FNIP2: variants seen among roughly 807,000 people sequenced by gnomAD.
FNIP2 encodes folliculin-interacting protein 2.
In FNIP2, 32 loss-of-function variants were observed where a neutral mutation model predicts 108.7. The observed-to-expected ratio is 0.29, with a 90% CI of 0.22 to 0.40. FNIP2 has a LOEUF of 0.40. Ranked by LOEUF, FNIP2 falls within the 10% of genes least tolerant of loss-of-function variation. The probability of loss-of-function intolerance (pLI) is 1.00; values close to 1 mark genes in which losing one functional copy is unlikely to be tolerated. For synonymous variants in FNIP2, 480 were observed against 496.7 expected (o/e 0.97, Z 0.45); for missense variants, 1,202 against 1,381.6 (o/e 0.87, Z 2.06).
At chr4:158,835,236 A>G (rs1778734511) in intron 6 of FNIP2, 169 bp from the exon 7 acceptor site, 3 of 374,812 alleles carry the variant, frequency 8.0e-6, no homozygotes, top group African/African-American at 4.1e-5. Flanking sequence ...TTTTCTTCTC[A>G]TCATCTTTTT....
At chr4:158,903,760 T>C (rs1445375283) in intron 16 of FNIP2, among the ~76,000 whole-genome samples, 3 of 152,212 alleles carry the variant, frequency 2.0e-5, no homozygotes, top group Non-Finnish European at 1.5e-5. Context: ...CTTTGAGGAA[T>C]TCAAGGGTAA....
Position 158,769,220 on chromosome 4 carries a change from C to A in FNIP2, c.8C>A (p.Pro3Gln). 2 of 1,479,334 alleles carry A rather than the reference C, an allele frequency of 1.4e-6. No individual in the cohort carries two copies. The highest frequency in any genetic ancestry group is 1.8e-6 in the Non-Finnish European group (2 of 1,115,412). The allele number at this position is 1,479,334 out of a possible 1,614,324, so 91.6% of individuals were successfully genotyped here. MA[P>Q]TLLQKLFNKR... ...AGCTGCGGCGGCGGCATCATGGCCC[C>A]GACCCTGCTCCAGAAGCTCTTCAAC... Residue 3 changes from proline to glutamine, a missense_variant, in exon 1 of 17, where the codon CCG (proline) becomes CAG (glutamine). Pro to Gln is a moderately conservative substitution (Grantham distance 76, BLOSUM62 -1). Transcript: ENST00000264433.
rs1453529872 is a variant in FNIP2, at chr4:158,904,711, G to A, written c.*167G>A. 1 of 616,448 alleles carries A rather than the reference G, an allele frequency of 1.6e-6. No individual in the cohort carries two copies. The highest frequency in any genetic ancestry group is 1.8e-5 in the African/African-American group (1 of 54,278). The allele number at this position is 616,448 out of a possible 1,614,324, so 38.2% of individuals were successfully genotyped here. On this transcript the variant is annotated 3_prime_UTR_variant, in exon 17 of 17. Coordinates refer to ENST00000264433, the MANE Select transcript of FNIP2 (RefSeq NM_020840.3). Reference sequence around the variant, plus strand: ...GCTGTCAAGCTGATGCTTCATTGAAGACTTAGGTTTACTTGACATAATAGC... The same window carrying A: ...GCTGTCAAGCTGATGCTTCATTGAAAACTTAGGTTTACTTGACATAATAGC...
chr4:158,799,140 T>C (rs376262411), intron 1 of FNIP2, among the ~76,000 whole-genome samples: 1 of 152,210 alleles, frequency 6.6e-6, no homozygotes, highest in African/African-American at 2.4e-5. Context: ...AGTAGTAGTT[T>C]TGGGCATGTG....
chr4:158,862,403 C>T (rs374512714), intron 12 of FNIP2, among the ~76,000 whole-genome samples: 7 of 152,086 alleles, frequency 4.6e-5, no homozygotes, highest in Non-Finnish European at 7.4e-5. Context: ...TGCTCTTGGT[C>T]GTGAGATGTA....
intron 6 of FNIP2, chr4:158,834,560 CTACT>C (rs1442101167): frequency 6.6e-5 from 10 of 152,140 alleles, no homozygotes; most frequent in Admixed American, 6.5e-4. Flanking sequence ...ACGCTCCTAC[CTACT>C]TAGAGTGAGG....
chr4:158,829,734 G>T (rs935428421), intron 3 of FNIP2, among the ~76,000 whole-genome samples: 2 of 152,024 alleles, frequency 1.3e-5, no homozygotes, highest in African/African-American at 4.8e-5. Flanking sequence ...GTGTGTGTGT[G>T]TGTATAAGGA....
chr4:158,882,539 G>A (rs924773370), intron 14 of FNIP2, among the ~76,000 whole-genome samples: 33 of 152,248 alleles, frequency 2.2e-4, no homozygotes, highest in African/African-American at 7.5e-4. Context: ...TGACGATGGC[G>A]GTTTTGTCGA....
At chr4:158,892,764 G>T (rs962426356) in intron 15 of FNIP2, among the ~76,000 whole-genome samples, 2 of 152,232 alleles carry the variant, frequency 1.3e-5, no homozygotes, top group African/African-American at 4.8e-5. Flanking sequence ...GCTGTTCTCT[G>T]CAGCACAGCC....
rs886450382 is a variant in FNIP2 at position 158,878,871 on chromosome 4, T to G, written c.2949+8402T>G. ...TGATCATTTAGATTCATGTAAGAAC[T>G]AAAAACAACTTCTAAAATTGAAAAA... On this transcript the variant is annotated intron_variant, in intron 14 of 16. Coordinates refer to ENST00000264433, the MANE Select transcript of FNIP2 (RefSeq NM_020840.3). Among the ~76,000 whole-genome samples the G allele has an allele frequency of 3.7e-5, 5 of 134,662 alleles. 1 individual carries two copies. Among genetic ancestry groups the G allele is most frequent in the African/African-American group, 1.5e-4 (5 of 33,450 alleles). The allele number at this position is 134,662 out of a possible 152,430, so 88.3% of individuals were successfully genotyped here.
At chr4:158,801,765 C>T (rs1776770921) in intron 1 of FNIP2, among the ~76,000 whole-genome samples, 1 of 152,172 alleles carries the variant, frequency 6.6e-6, no homozygotes, top group African/African-American at 2.4e-5. Flanking sequence ...ATTTCCTTAG[C>T]GCTGAGCTCG....
intron 1 of FNIP2, among the ~76,000 whole-genome samples, chr4:158,825,697 A>T (rs1778116258): frequency 2.0e-5 from 3 of 152,376 alleles, no homozygotes; most frequent in African/African-American, 7.2e-5. Flanking sequence ...CTCAGCCCTT[A>T]TCATGAAAAC....
chr4:158,770,652 A>G (rs1775666761), intron 1 of FNIP2, among the ~76,000 whole-genome samples: 1 of 152,212 alleles, frequency 6.6e-6, no homozygotes, highest in Non-Finnish European at 1.5e-5. Context: ...AACAAGCCTT[A>G]TAATTTGAGT....
chr4:158,789,644 C>G lies in FNIP2; in HGVS notation c.107+20325C>G, dbSNP rs79855810. On this transcript the variant is annotated intron_variant, in intron 1 of 16. Coordinates refer to ENST00000264433, the MANE Select transcript of FNIP2 (RefSeq NM_020840.3). ...GTACAAGAATGAATAAGATAACACC[C>G]TGCCCTTGAGGAGTTCGGTTCATGG... is the stretch of plus-strand genomic sequence containing the variant. Among the ~76,000 whole-genome samples the G allele has an allele frequency of 2.5e-3, 382 of 152,292 alleles. 2 individuals carry two copies. The highest frequency in any genetic ancestry group is 8.8e-3 in the African/African-American group (364 of 41,556).
At chr4:158,771,490 G>A (rs1004588589) in intron 1 of FNIP2, among the ~76,000 whole-genome samples, 14 of 152,190 alleles carry the variant, frequency 9.2e-5, no homozygotes, top group Non-Finnish European at 1.3e-4. Flanking sequence ...AATAGGAGTT[G>A]GTATGTACTT....
chr4:158,901,954 TTTG>T (rs756557465), intron 16 of FNIP2, among the ~76,000 whole-genome samples: 1 of 151,840 alleles, frequency 6.6e-6, no homozygotes, highest in Non-Finnish European at 1.5e-5. Context: ...CTCAGAGGAG[TTTG>T]TTATTACCCA....
chr4:158,834,331 C>CTCTCTCTCTCTCTCA (rs1553959318), intron 6 of FNIP2: 5 of 36,870 alleles, frequency 1.4e-4, no homozygotes, highest in Non-Finnish European at 5.6e-5. Context: ...TCTCTCTCTC[C>CTCTCTCTCTCTCTCA]CTCTCTAAGT....
chr4:158,788,171 G>A (rs1160775598), intron 1 of FNIP2, among the ~76,000 whole-genome samples: 1 of 152,174 alleles, frequency 6.6e-6, no homozygotes, highest in East Asian at 1.9e-4. Flanking sequence ...GATTTAAGTG[G>A]GTGGTTCTTG....
chr4:158,820,896 G>A (rs1038449398), intron 1 of FNIP2, among the ~76,000 whole-genome samples: 4 of 152,172 alleles, frequency 2.6e-5, no homozygotes. Context: ...CTGTTTCCAA[G>A]CAAAGTCATA....
Sources: gnomAD v4.1 joint callset for allele counts (sites outside exome capture counted in the v4.1 genomes callset) on GRCh38, gnomAD v4.1.1 for gene constraint, MANE v1.5 for transcripts, NCBI Gene and HGNC (gene_info 2026-07-23, HGNC 2026-07-21) for gene names.